The following SMAD1 variants were observed in gnomAD, a reference collection of about 807,000 sequenced individuals.
The protein encoded by SMAD1 is SMAD family member 1.
A neutral mutation model predicts 41.6 loss-of-function variants in SMAD1; 6 were observed. The observed-to-expected ratio is 0.14, with a 90% CI of 0.08 to 0.28. The LOEUF is 0.28. Ranked by LOEUF, SMAD1 falls within the 10% of genes least tolerant of loss-of-function variation. The pLI, the probability that SMAD1 is intolerant of heterozygous loss-of-function variation, is 1.00. For synonymous variants in SMAD1, 206 were observed against 203.2 expected (o/e 1.01, Z -0.12); for missense variants, 379 against 582.6 (o/e 0.65, Z 3.60).
At chr4:145,529,564 A>G (rs1446031426) in intron 2 of SMAD1, among the ~76,000 whole-genome samples, 1 of 152,152 alleles carries the variant, frequency 6.6e-6, no homozygotes, top group African/African-American at 2.4e-5. Context: ...TTCCATGACA[A>G]CATGCCTCTT....
At chr4:145,528,579 G>T (rs749528338) in intron 2 of SMAD1, among the ~76,000 whole-genome samples, 49 of 152,114 alleles carry the variant, frequency 3.2e-4, no homozygotes, top group Non-Finnish European at 6.6e-4. Context: ...TCTCATTTTC[G>T]TGGAATATAT....
rs571562772 is a variant in SMAD1 at position 145,524,607 on chromosome 4, C to G, written c.400+9594C>G. Among the ~76,000 whole-genome samples the G allele has an allele frequency of 2.0e-5, 3 of 152,184 alleles. No individual in the cohort carries two copies. The South Asian group carries it at 6.2e-4, about 32-fold the overall frequency. On this transcript the variant is annotated intron_variant, in intron 2 of 6. Coordinates refer to ENST00000302085, the MANE Select transcript of SMAD1 (RefSeq NM_005900.3). ...AGTACCTTTCTCATACTTTTGCTTT[C>G]CTGACGTTTGTCTTCTGCTTTATTA...
intron 5 of SMAD1, among the ~76,000 whole-genome samples, chr4:145,548,202 TTTTATTTATTTA>T (rs377511852): frequency 3.3e-5 from 5 of 151,902 alleles, no homozygotes; most frequent in East Asian, 1.9e-4. Context: ...TTTTACTTCA[TTTTATTTATTTA>T]TTTATTTATT....
intron 1 of SMAD1, among the ~76,000 whole-genome samples, chr4:145,485,910 T>C (rs1278543235): frequency 6.6e-6 from 1 of 152,226 alleles, no homozygotes; most frequent in Non-Finnish European, 1.5e-5. Context: ...GTAAAGAAAC[T>C]GAGGACAGAA....
chr4:145,493,269 T>C (rs1728873956), intron 1 of SMAD1, among the ~76,000 whole-genome samples: 1 of 152,158 alleles, frequency 6.6e-6, no homozygotes, highest in Non-Finnish European at 1.5e-5. Context: ...TCAGAGACAG[T>C]AGTTTTTCAT....
chr4:145,501,989 C>T (rs566462840), intron 1 of SMAD1, among the ~76,000 whole-genome samples: 102 of 152,308 alleles, frequency 6.7e-4, no homozygotes, highest in African/African-American at 2.4e-3. Flanking sequence ...ACGAATCATT[C>T]ATAACTAGCC....
chr4:145,549,871 A>G (rs953014058), intron 5 of SMAD1, among the ~76,000 whole-genome samples: 1 of 152,236 alleles, frequency 6.6e-6, no homozygotes, highest in Non-Finnish European at 1.5e-5. Flanking sequence ...CATAACATAC[A>G]TAGATATCTT....
chr4:145,535,727 G>C (rs1392778046), intron 2 of SMAD1, among the ~76,000 whole-genome samples: 1 of 152,070 alleles, frequency 6.6e-6, no homozygotes, highest in Non-Finnish European at 1.5e-5. Flanking sequence ...AAGGGATGTG[G>C]TAGGGAGTAT....
At chr4:145,524,655 G>A (rs1188540079) in intron 2 of SMAD1, among the ~76,000 whole-genome samples, 2 of 151,862 alleles carry the variant, frequency 1.3e-5, no homozygotes, top group Non-Finnish European at 2.9e-5. Context: ...TTCTATTTCT[G>A]CAGTATTAGG....
intron 5 of SMAD1, among the ~76,000 whole-genome samples, chr4:145,549,525 G>A (rs148064749): frequency 3.9e-5 from 6 of 152,200 alleles, no homozygotes; most frequent in Non-Finnish European, 7.3e-5. Context: ...CAAGCAAATG[G>A]AGTAAATTGT....
chr4:145,501,010 A>G (rs1199592258), intron 1 of SMAD1, among the ~76,000 whole-genome samples: 1 of 152,248 alleles, frequency 6.6e-6, no homozygotes, highest in East Asian at 1.9e-4. Flanking sequence ...CTGCAGTTCA[A>G]ACCTATTCAA....
Position 145,557,861 on chromosome 4 carries a change from G to C in SMAD1, c.1325G>C (p.Gly442Ala). 1.9e-6 allele frequency: 3 copies of C among 1,611,714 alleles called. No homozygotes were observed. Among genetic ancestry groups the C allele is most frequent in the South Asian group, 1.1e-5 (1 of 90,800 alleles). ...TGCTGGATTGAGATACATCTGCACGGCCCCCTCCAGTGGCTGGATAAAGTT... is the reference window on the plus strand; with the variant it reads ...TGCTGGATTGAGATACATCTGCACGCCCCCCTCCAGTGGCTGGATAAAGTT... ...TPCWIEIHLH[G>A]PLQWLDKVLT... Residue 442 changes from glycine (G) to alanine (A), a missense_variant, in exon 7 of 7, where the codon GGC becomes GCC. Transcript: ENST00000302085.
intron 2 of SMAD1, 121 bp downstream of exon 2, chr4:145,515,134 CTGTGTGTGTGTGTGTGTGTGTGTG>C (rs377610507): frequency 2.1e-5 from 11 of 535,630 alleles, no homozygotes; most frequent in Admixed American, 1.4e-4. Flanking sequence ...TTTGGGGAAA[CTGTGTGTGTGTGTGTGTGTGTGTG>C]TGTGTGTGTG....
chr4:145,501,641 CT>C (rs11285972), intron 1 of SMAD1, among the ~76,000 whole-genome samples: 26,640 of 137,202 alleles, frequency 0.19, 5,303 homozygotes, highest in African/African-American at 0.51. Context: ...ATTTTTGTTT[CT>C]TTTTTTTTTT....
At chr4:145,521,167 CTTA>C (rs1730721938) in intron 2 of SMAD1, among the ~76,000 whole-genome samples, 1 of 152,156 alleles carries the variant, frequency 6.6e-6, no homozygotes, top group Non-Finnish European at 1.5e-5. Context: ...ATCAGGGCTA[CTTA>C]TTAGTGGTTG....
Position 145,552,163 on chromosome 4 carries a change from A to G in SMAD1, c.998-1621A>G, listed in dbSNP as rs933642791. Among the ~76,000 whole-genome samples the G allele has an allele frequency of 4.6e-5, 7 of 152,352 alleles. No individual in the cohort carries two copies. The South Asian group carries it at 6.2e-4, about 14-fold the overall frequency. On this transcript the variant is annotated intron_variant, in intron 5 of 6. Transcript: ENST00000302085. Reference sequence around the variant, plus strand: ...ATTTTGATTTACTTTCTGATTTTTCAGGATGAAAATTTGTCATTTTTATCA... The same window carrying G: ...ATTTTGATTTACTTTCTGATTTTTCGGGATGAAAATTTGTCATTTTTATCA...
At chr4:145,495,334 C>G (rs982552334) in intron 1 of SMAD1, among the ~76,000 whole-genome samples, 1 of 152,108 alleles carries the variant, frequency 6.6e-6, no homozygotes, top group African/African-American at 2.4e-5. Flanking sequence ...TTTCCTTACC[C>G]CTTACCACAA....
intron 2 of SMAD1, among the ~76,000 whole-genome samples, chr4:145,531,851 A>G (rs759975236): frequency 2.3e-4 from 35 of 150,470 alleles, no homozygotes; most frequent in Non-Finnish European, 3.4e-4. Flanking sequence ...TTACTTCTAT[A>G]TGGGCAAACA....
At chr4:145,495,328 C>T (rs1729012394) in intron 1 of SMAD1, among the ~76,000 whole-genome samples, 2 of 152,136 alleles carry the variant, frequency 1.3e-5, no homozygotes, top group Non-Finnish European at 2.9e-5. Flanking sequence ...TCCCACTTTC[C>T]TTACCCCTTA....
Sources: gnomAD v4.1 joint callset for allele counts (sites outside exome capture counted in the v4.1 genomes callset) on GRCh38, gnomAD v4.1.1 for gene constraint, MANE v1.5 for transcripts, NCBI Gene and HGNC (gene_info 2026-07-23, HGNC 2026-07-21) for gene names.